The following HS2ST1 variants were observed in gnomAD, a reference collection of about 807,000 sequenced individuals.
HS2ST1 encodes the protein heparan sulfate 2-O-sulfotransferase 1, also known as 2-O-sulfotransferase.
A neutral mutation model predicts 42.9 loss-of-function variants in HS2ST1; 18 were observed. The ratio of observed to expected loss-of-function variants is 0.42; its 90% CI spans 0.29 to 0.62. HS2ST1 has a LOEUF of 0.62. HS2ST1 is among the 20% of genes least tolerant of loss of function. HS2ST1 has a pLI of 0.21. For missense variants in HS2ST1, 334 were observed against 433.8 expected, an observed-to-expected ratio of 0.77 and a Z score of 2.04; for synonymous variants, 146 against 152.9, an observed-to-expected ratio of 0.95 and a Z score of 0.33.
intron 1 of HS2ST1, among the ~76,000 whole-genome samples, chr1:86,948,500 A>G (rs1048383272): frequency 6.6e-6 from 1 of 152,210 alleles, no homozygotes; most frequent in African/African-American, 2.4e-5. Flanking sequence ...GTTGTTAGTA[A>G]TGAAATTTTC....
At chr1:87,074,404 G>A (rs979432123) in intron 2 of HS2ST1, among the ~76,000 whole-genome samples, 6 of 152,120 alleles carry the variant, frequency 3.9e-5, no homozygotes, top group Non-Finnish European at 7.4e-5. Context: ...TTCAAAATAT[G>A]CTTTGGTTTA....
chr1:87,054,001 A>G (rs937430099), intron 1 of HS2ST1, among the ~76,000 whole-genome samples: 4 of 151,994 alleles, frequency 2.6e-5, no homozygotes, highest in Non-Finnish European at 4.4e-5. Context: ...CTTAATTTCT[A>G]TCTTTAGTTC....
intron 1 of HS2ST1, among the ~76,000 whole-genome samples, chr1:87,039,260 C>T (rs188169245): frequency 4.6e-5 from 7 of 152,282 alleles, no homozygotes; most frequent in African/African-American, 1.4e-4. Context: ...GGAAAGAGAC[C>T]ATCTAAACCA....
At chr1:86,981,595 G>A (rs572648521) in intron 1 of HS2ST1, among the ~76,000 whole-genome samples, 77 of 152,280 alleles carry the variant, frequency 5.1e-4, no homozygotes, top group Middle Eastern at 6.8e-3. Context: ...CAGAAACCCG[G>A]CCAGGCAGTC....
At chr1:87,082,331 TCTTA>T (rs1178491586) in intron 2 of HS2ST1, among the ~76,000 whole-genome samples, 2 of 152,224 alleles carry the variant, frequency 1.3e-5, no homozygotes, top group African/African-American at 2.4e-5. Flanking sequence ...TGTACCTGAC[TCTTA>T]CTTCTGCCCA....
At chr1:87,035,652 T>G (rs1650355064) in intron 1 of HS2ST1, among the ~76,000 whole-genome samples, 1 of 152,180 alleles carries the variant, frequency 6.6e-6, no homozygotes, top group African/African-American at 2.4e-5. Context: ...CATAATACAT[T>G]CCACAATAAC....
At chr1:86,923,009 C>T (rs1186161480) in intron 1 of HS2ST1, among the ~76,000 whole-genome samples, 1 of 151,956 alleles carries the variant, frequency 6.6e-6, no homozygotes, top group Non-Finnish European at 1.5e-5. Flanking sequence ...TTCTATTCAT[C>T]ATTCTCAGTC....
At chr1:87,008,184 C>G (rs1303641719) in intron 1 of HS2ST1, among the ~76,000 whole-genome samples, 1 of 151,986 alleles carries the variant, frequency 6.6e-6, no homozygotes, top group Admixed American at 6.6e-5. Flanking sequence ...TATTAAATCT[C>G]AAGAGAAGCA....
chr1:86,994,194 A>G (rs1053103835), intron 1 of HS2ST1, among the ~76,000 whole-genome samples: 2 of 152,238 alleles, frequency 1.3e-5, no homozygotes, highest in African/African-American at 4.8e-5. Flanking sequence ...CACTGAGGGA[A>G]AGCTTAATAT....
At chr1:86,960,227 C>CAAAAAAAA (rs145286319) in intron 1 of HS2ST1, among the ~76,000 whole-genome samples, 2 of 131,492 alleles carry the variant, frequency 1.5e-5, no homozygotes, top group African/African-American at 2.9e-5. Flanking sequence ...TCCACGCCAC[C>CAAAAAAAA]AAAAAAAAAA....
At chr1:86,949,590 C>A (rs1301497560) in intron 1 of HS2ST1, among the ~76,000 whole-genome samples, 10 of 152,284 alleles carry the variant, frequency 6.6e-5, no homozygotes, top group East Asian at 1.9e-4. Flanking sequence ...AAAAAAGATT[C>A]TCTAAGCTTA....
chr1:86,966,965 C>G (rs1363665355), intron 1 of HS2ST1, among the ~76,000 whole-genome samples: 1 of 151,136 alleles, frequency 6.6e-6, no homozygotes, highest in Non-Finnish European at 1.5e-5. Flanking sequence ...GATCTCAGCT[C>G]ACTGCAACCT....
chr1:87,017,325 G>A (rs559564761), intron 1 of HS2ST1, among the ~76,000 whole-genome samples: 1 of 152,082 alleles, frequency 6.6e-6, no homozygotes, highest in Admixed American at 6.5e-5. Flanking sequence ...TTAGTAGAGA[G>A]GGGGTTTCAC....
intron 1 of HS2ST1, among the ~76,000 whole-genome samples, chr1:87,032,970 TG>T (rs1222637842): frequency 6.6e-6 from 1 of 152,226 alleles, no homozygotes; most frequent in African/African-American, 2.4e-5. Context: ...TCTTAGTCTT[TG>T]GTTTTTCCTA....
chr1:87,036,814 T>C (rs1650386039), intron 1 of HS2ST1, among the ~76,000 whole-genome samples: 1 of 152,166 alleles, frequency 6.6e-6, no homozygotes, highest in Admixed American at 6.6e-5. Flanking sequence ...CCACACATTT[T>C]CAAGGAAAAC....
At chr1:87,020,737 C>G (rs1231982183) in intron 1 of HS2ST1, among the ~76,000 whole-genome samples, 1 of 152,158 alleles carries the variant, frequency 6.6e-6, no homozygotes, top group African/African-American at 2.4e-5. Flanking sequence ...CACATAGTCT[C>G]TGTGCATGTC....
intron 1 of HS2ST1, among the ~76,000 whole-genome samples, chr1:87,048,311 T>G (rs1187662888): frequency 6.6e-6 from 1 of 152,186 alleles, no homozygotes; most frequent in Non-Finnish European, 1.5e-5. Flanking sequence ...CTTTTGGAAT[T>G]TCTACGCATT....
intron 1 of HS2ST1, among the ~76,000 whole-genome samples, chr1:87,040,788 CA>C (rs1371938223): frequency 6.6e-6 from 1 of 151,986 alleles, no homozygotes; most frequent in Non-Finnish European, 1.5e-5. Flanking sequence ...ATCTGTGTCT[CA>C]GGGGGAAAAA....
intron 1 of HS2ST1, among the ~76,000 whole-genome samples, chr1:86,970,311 A>G (rs1185361983): frequency 2.6e-5 from 4 of 152,224 alleles, no homozygotes; most frequent in Admixed American, 2.6e-4. Flanking sequence ...GGAAGAATCC[A>G]CAAGAAGTAT....
Sources: gnomAD v4.1 joint callset for allele counts (sites outside exome capture counted in the v4.1 genomes callset) on GRCh38, gnomAD v4.1.1 for gene constraint, MANE v1.5 for transcripts, NCBI Gene and HGNC (gene_info 2026-07-23, HGNC 2026-07-21) for gene names.